PELI1: variants seen among roughly 807,000 people sequenced by gnomAD.
PELI1 encodes the protein E3 ubiquitin-protein ligase pellino homolog 1.
PELI1 carries 15 observed loss-of-function variants against 41.3 expected under a neutral mutation model. That is an observed-to-expected ratio of 0.36 (90% CI 0.24 to 0.56). The LOEUF (loss-of-function observed/expected upper bound fraction) is 0.56. PELI1 is among the 20% of genes least tolerant of loss of function. The pLI is 0.82. For synonymous variants in PELI1, 178 were observed against 180.1 expected (o/e 0.99, Z 0.09); for missense variants, 403 against 525.5 (o/e 0.77, Z 2.28).
intron 1 of PELI1, among the ~76,000 whole-genome samples, chr2:64,139,869 A>G (rs1357412765): frequency 6.6e-6 from 1 of 152,236 alleles, no homozygotes; most frequent in Non-Finnish European, 1.5e-5. Context: ...GGCAGCCACC[A>G]CTAAACAATC....
At chr2:64,119,392 T>A (rs1378520583) in intron 1 of PELI1, among the ~76,000 whole-genome samples, 2 of 152,188 alleles carry the variant, frequency 1.3e-5, no homozygotes, top group East Asian at 3.8e-4. Context: ...TGTTTCATCG[T>A]TAGCACCACA....
intron 3 of PELI1, 64 bp downstream of exon 3, chr2:64,104,637 C>G: frequency 1.3e-6 from 2 of 1,485,070 alleles, no homozygotes; most frequent in Non-Finnish European, 1.8e-6. Context: ...AGAATACAAA[C>G]AACACATAAA....
At position 64,104,844 on chromosome 2, in the gene PELI1, A is replaced by C; in HGVS notation, c.72-14T>G. ...GACCCATTATACCTGATGGGGGAAA[A>C]AAAGTATAGGTGATCTCTTGCAAGA... On this transcript the variant is annotated splice_polypyrimidine_tract_variant and intron_variant, in intron 2 of 6. Coordinates refer to ENST00000358912, the MANE Select transcript of PELI1 (RefSeq NM_020651.4). 1.2e-6 allele frequency: 2 copies of C among 1,607,000 alleles called. No individual in the cohort carries two copies. Among genetic ancestry groups the C allele is most frequent in the Admixed American group, 3.4e-5 (2 of 57,998 alleles).
intron 1 of PELI1, among the ~76,000 whole-genome samples, chr2:64,120,355 T>G (rs909415566): frequency 6.6e-6 from 1 of 152,234 alleles, no homozygotes; most frequent in Non-Finnish European, 1.5e-5. Context: ...ATCCTCCAAA[T>G]AGCCAAAGGC....
At chr2:64,125,285 T>C (rs1430496123) in intron 1 of PELI1, among the ~76,000 whole-genome samples, 1 of 152,156 alleles carries the variant, frequency 6.6e-6, no homozygotes, top group African/African-American at 2.4e-5. Context: ...AGCCCCATCC[T>C]GATGCCATCT....
At chr2:64,107,746 C>G (rs772505597) in intron 2 of PELI1, among the ~76,000 whole-genome samples, 27 of 151,838 alleles carry the variant, frequency 1.8e-4, no homozygotes, top group Non-Finnish European at 3.1e-4. Flanking sequence ...GGCGCGATCT[C>G]AGCTCACTGC....
At chr2:64,133,913 A>G (rs1274412175) in intron 1 of PELI1, among the ~76,000 whole-genome samples, 1 of 152,090 alleles carries the variant, frequency 6.6e-6, no homozygotes, top group Non-Finnish European at 1.5e-5. Context: ...CCCACAACCT[A>G]TAGATTTTAT....
chr2:64,095,079 T>A lies in PELI1; in HGVS notation c.880A>T (p.Met294Leu). 1 of 1,614,050 alleles carries A rather than the reference T, an allele frequency of 6.2e-7. No homozygotes were observed. Among genetic ancestry groups the A allele is most frequent in the Non-Finnish European group, 8.5e-7 (1 of 1,179,882 alleles). Residue 294 changes from methionine to leucine, a missense_variant, in exon 7 of 7, where the codon ATG (methionine) becomes TTG (leucine). Physicochemically the swap from Met to Leu is conservative, Grantham distance 15 (BLOSUM62 2). Transcript: ENST00000358912. ...VGFNTLAFPS[M>L]KRKDVVDEKQ... ...TCATCTACAACGTCTTTCCTCTTCATACTAGGAAATGCTAGTGTGTTGAAC... is the reference window on the plus strand; with the variant it reads ...TCATCTACAACGTCTTTCCTCTTCAAACTAGGAAATGCTAGTGTGTTGAAC...
chr2:64,132,092 C>A (rs921335809), intron 1 of PELI1, among the ~76,000 whole-genome samples: 1 of 152,032 alleles, frequency 6.6e-6, no homozygotes, highest in Admixed American at 6.5e-5. Context: ...AGATCTTTCC[C>A]CCTCCTTTTT....
intron 1 of PELI1, among the ~76,000 whole-genome samples, chr2:64,115,255 A>C (rs953704783): frequency 8.5e-5 from 13 of 152,198 alleles, no homozygotes; most frequent in African/African-American, 3.1e-4. Context: ...TGCTGTTTAG[A>C]GAAAGGCAAA....
At chr2:64,099,116 C>T (rs1357876608) in intron 4 of PELI1, among the ~76,000 whole-genome samples, 1 of 150,268 alleles carries the variant, frequency 6.7e-6, no homozygotes, top group Non-Finnish European at 1.5e-5. Context: ...ATAAATATAA[C>T]GTACTTTCTG....
chr2:64,126,957 C>A (rs1443862185), intron 1 of PELI1, among the ~76,000 whole-genome samples: 1 of 152,150 alleles, frequency 6.6e-6, no homozygotes, highest in Non-Finnish European at 1.5e-5. Flanking sequence ...TTGTGGAAAT[C>A]ATGAACCATG....
chr2:64,094,968 G>A lies in PELI1; in HGVS notation c.991C>T (p.Arg331Cys), dbSNP rs774105601. 3.1e-6 allele frequency: 5 copies of A among 1,614,186 alleles called. No homozygotes were observed. The highest frequency in any genetic ancestry group is 2.2e-5 in the East Asian group (1 of 44,888). Residue 331 changes from arginine to cysteine, a missense_variant, in exon 7 of 7, where the codon CGT (arginine) becomes TGT (cysteine). Physicochemically the swap from Arg to Cys is radical, Grantham distance 180. Coordinates refer to ENST00000358912, the MANE Select transcript of PELI1 (RefSeq NM_020651.4). ...ACAGACCTACACATAGGACATTCAC[G>A]ATCTTTTCCATCACGTTCTTCTTTG... is the stretch of plus-strand genomic sequence containing the variant. ...GNKEERDGKD[R>C]ECPMCRSVGP...
At chr2:64,098,854 G>T (rs1425569547) in intron 4 of PELI1, among the ~76,000 whole-genome samples, 1 of 152,148 alleles carries the variant, frequency 6.6e-6, no homozygotes. Context: ...GAAATGTTTG[G>T]ATTTTCCAAA....
At chr2:64,141,098 A>C (rs1178476512) in intron 1 of PELI1, among the ~76,000 whole-genome samples, 1 of 152,202 alleles carries the variant, frequency 6.6e-6, no homozygotes, top group African/African-American at 2.4e-5. Flanking sequence ...AGAAAGTGCT[A>C]AGTGGAATTC....
At chr2:64,108,156 C>CAAA in intron 2 of PELI1, 84 bp downstream of exon 2, 3 of 641,646 alleles carry the variant, frequency 4.7e-6, no homozygotes, top group South Asian at 2.0e-5. Flanking sequence ...ATATAAATTC[C>CAAA]AAAAAAAAAA....
At position 64,132,407 on chromosome 2, in the gene PELI1, A is replaced by G. The variant is rs574328218; in HGVS notation, c.-70+11674T>C. Reference sequence around the variant, plus strand: ...GAAATCCAAAACACCTTTTGCCCCAAGCATTTTGGATAAGGGATTTAATAA... The same window carrying G: ...GAAATCCAAAACACCTTTTGCCCCAGGCATTTTGGATAAGGGATTTAATAA... On this transcript the variant is annotated intron_variant, in intron 1 of 6. Transcript: ENST00000358912. 3.9e-5 allele frequency among the ~76,000 whole-genome samples: 6 copies of G among 152,326 alleles called. No homozygotes were observed. In the South Asian group the frequency reaches 1.0e-3, roughly 26 times the overall value.
chr2:64,131,263 T>C (rs1681544052), intron 1 of PELI1, among the ~76,000 whole-genome samples: 6 of 152,120 alleles, frequency 3.9e-5, no homozygotes, highest in Admixed American at 3.3e-4. Context: ...AATTTTGATA[T>C]ATTCTTAAAG....
At chr2:64,110,214 C>T (rs7579828) in intron 1 of PELI1, among the ~76,000 whole-genome samples, 11,435 of 141,146 alleles carry the variant, frequency 0.081, 639 homozygotes, top group African/African-American at 0.18. Flanking sequence ...CACTGCACTC[C>T]AGCCTGGGCG....
Sources: allele counts gnomAD v4.1 joint callset (sites outside exome capture counted in the v4.1 genomes callset), GRCh38; gene constraint gnomAD v4.1.1; transcripts MANE v1.5; gene names NCBI Gene and HGNC (gene_info 2026-07-23, HGNC 2026-07-21).